Variants in C8orf34 observed in about 807,000 individuals in gnomAD.
C8orf34 encodes the protein uncharacterized protein C8orf34.
Under a neutral mutation model 68.3 loss-of-function variants are expected in C8orf34, and 65 were observed. The ratio of observed to expected loss-of-function variants is 0.95; its 90% CI spans 0.78 to 1.17. The LOEUF is 1.17. Among genes scored for constraint, C8orf34 ranks in the 50% most tolerant of loss-of-function variants. C8orf34 has a pLI of 0.00. For synonymous variants in C8orf34, 244 were observed against 241.2 expected (o/e 1.01, Z -0.11); for missense variants, 664 against 655.4 (o/e 1.01, Z -0.14).
rs554924202 is a variant in C8orf34, at chr8:68,704,389, AC to A, written c.1242-4604del. The stretch of plus-strand genomic sequence containing the variant: ...AGTATAATGACACAGAGGCTTAATA[AC>A]AAAACACCTGAAAAAAGCAAAAGCG... On this transcript the variant is annotated intron_variant, in intron 8 of 13. Coordinates refer to ENST00000518698, the MANE Select transcript of C8orf34 (RefSeq NM_052958.4). Among the ~76,000 whole-genome samples the A allele has an allele frequency of 5.4e-3, 823 of 152,258 alleles. 6 individuals are homozygous for A. Among genetic ancestry groups the A allele is most frequent in the Middle Eastern group, 0.01 (3 of 294 alleles).
chr8:68,488,775 A>G (rs1177631270), intron 5 of C8orf34, among the ~76,000 whole-genome samples: 3 of 152,162 alleles, frequency 2.0e-5, no homozygotes, highest in African/African-American at 7.2e-5. Context: ...ACATGTTTAT[A>G]TGAGTTGTTG....
chr8:68,362,488 G>A (rs527640095), intron 1 of C8orf34, among the ~76,000 whole-genome samples: 10 of 152,316 alleles, frequency 6.6e-5, no homozygotes, highest in African/African-American at 2.4e-4. Context: ...GAAGACGGGT[G>A]ATTTCTGCAT....
intron 7 of C8orf34, among the ~76,000 whole-genome samples, chr8:68,578,064 G>C (rs1377682159): frequency 6.6e-6 from 1 of 151,652 alleles, no homozygotes; most frequent in East Asian, 1.9e-4. Flanking sequence ...AAAGAAGGAG[G>C]CAAGAAGTAG....
At chr8:68,611,290 C>A (rs1818015878) in intron 7 of C8orf34, among the ~76,000 whole-genome samples, 1 of 152,072 alleles carries the variant, frequency 6.6e-6, no homozygotes, top group African/African-American at 2.4e-5. Context: ...AACTGATGAG[C>A]TTTTTACATG....
chr8:68,390,037 A>G (rs905080901), intron 1 of C8orf34, among the ~76,000 whole-genome samples: 2 of 151,888 alleles, frequency 1.3e-5, no homozygotes, highest in Non-Finnish European at 2.9e-5. Flanking sequence ...AAGAAAGGTG[A>G]CTCTTCCATT....
At chr8:68,346,902 A>G (rs1806307884) in intron 1 of C8orf34, among the ~76,000 whole-genome samples, 1 of 152,090 alleles carries the variant, frequency 6.6e-6, no homozygotes, top group African/African-American at 2.4e-5. Context: ...TAAAGCTGCT[A>G]TAAACATCCA....
chr8:68,564,388 G>T (rs778860118), intron 7 of C8orf34, among the ~76,000 whole-genome samples: 1 of 152,180 alleles, frequency 6.6e-6, no homozygotes, highest in African/African-American at 2.4e-5. Flanking sequence ...GGCCAACTTG[G>T]ATACTTAGTC....
At chr8:68,533,582 G>T in intron 7 of C8orf34, 1 of 985,864 alleles carries the variant, frequency 1.0e-6, no homozygotes, top group South Asian at 4.7e-5. Context: ...ATAGAATAAA[G>T]TTGAAAGGGG....
Position 68,739,142 on chromosome 8 carries a change from G to T in C8orf34, c.1404+17705G>T, listed in dbSNP as rs562732996. Among the ~76,000 whole-genome samples the T allele has an allele frequency of 3.3e-5, 5 of 152,172 alleles. No homozygotes were observed. The East Asian group carries it at 9.6e-4, about 29-fold the overall frequency. ...GGGACGCATGGTTGGTTCAACATAT[G>T]CAAATCAATAAATGTGGTTCATCAC... On this transcript the variant is annotated intron_variant, in intron 10 of 13. Transcript: ENST00000518698.
At chr8:68,360,752 C>CTTTTT (rs1319672272) in intron 1 of C8orf34, among the ~76,000 whole-genome samples, 7 of 144,262 alleles carry the variant, frequency 4.9e-5, no homozygotes, top group African/African-American at 1.6e-4. Context: ...CCTTTTCTTC[C>CTTTTT]TTTCTTTTTT....
chr8:68,585,294 C>A (rs7819877), intron 7 of C8orf34, among the ~76,000 whole-genome samples: 4,711 of 151,496 alleles, frequency 0.031, 234 homozygotes, highest in African/African-American at 0.11. Flanking sequence ...AAAACAAAAC[C>A]AAAAACCAAA....
At chr8:68,620,699 A>G (rs1225313463) in intron 7 of C8orf34, among the ~76,000 whole-genome samples, 1 of 152,116 alleles carries the variant, frequency 6.6e-6, no homozygotes, top group Non-Finnish European at 1.5e-5. Flanking sequence ...TGGGAAAAAA[A>G]AAAAGAAAAA....
At chr8:68,525,675 AC>A (rs1248115211) in intron 6 of C8orf34, 1 of 669,992 alleles carries the variant, frequency 1.5e-6, no homozygotes, top group Non-Finnish European at 2.8e-6. Flanking sequence ...TGCACATGAA[AC>A]CTGGGGCTGA....
intron 10 of C8orf34, among the ~76,000 whole-genome samples, chr8:68,758,810 A>G (rs148901120): frequency 7.0e-6 from 1 of 142,522 alleles, no homozygotes; most frequent in East Asian, 3.3e-4. Context: ...TATTATATCT[A>G]ATAAGTAGAC....
chr8:68,337,409 A>T (rs1297191166), intron 1 of C8orf34, among the ~76,000 whole-genome samples: 4 of 152,202 alleles, frequency 2.6e-5, no homozygotes. Flanking sequence ...CTACAAAGTA[A>T]CTTTTCTAGA....
intron 7 of C8orf34, chr8:68,535,402 A>T (rs544772075): frequency 2.0e-6 from 2 of 984,344 alleles, no homozygotes; most frequent in South Asian, 9.4e-5. Context: ...TTTATTATGC[A>T]TGGAAAGCAC....
At chr8:68,767,003 G>A (rs1823198531) in intron 10 of C8orf34, among the ~76,000 whole-genome samples, 1 of 152,166 alleles carries the variant, frequency 6.6e-6, no homozygotes, top group Admixed American at 6.5e-5. Flanking sequence ...GGTCAACATG[G>A]AGAAACCCTG....
At chr8:68,700,518 C>T (rs1197792749) in intron 8 of C8orf34, among the ~76,000 whole-genome samples, 1 of 152,048 alleles carries the variant, frequency 6.6e-6, no homozygotes, top group East Asian at 1.9e-4. Context: ...GGGAACCATT[C>T]AAATGCTGAG....
At chr8:68,683,139 C>G (rs1420048178) in intron 8 of C8orf34, among the ~76,000 whole-genome samples, 1 of 151,972 alleles carries the variant, frequency 6.6e-6, no homozygotes, top group East Asian at 1.9e-4. Flanking sequence ...AGTGAGAAAT[C>G]TGGACCCCCC....
Sources: gnomAD v4.1 joint callset for allele counts (sites outside exome capture counted in the v4.1 genomes callset) on GRCh38, gnomAD v4.1.1 for gene constraint, MANE v1.5 for transcripts, NCBI Gene and HGNC (gene_info 2026-07-23, HGNC 2026-07-21) for gene names.